The following ADGRD1 variants were observed in gnomAD, a reference collection of about 807,000 sequenced individuals.
The protein encoded by ADGRD1 is G-protein coupled receptor 133.
Under a neutral mutation model 113.4 loss-of-function variants are expected in ADGRD1, and 77 were observed. The ratio of observed to expected loss-of-function variants is 0.68; its 90% CI spans 0.57 to 0.82. The LOEUF is 0.82. ADGRD1 is among the 40% of genes least tolerant of loss of function. The pLI, the probability that ADGRD1 is intolerant of heterozygous loss-of-function variation, is 0.00. For missense variants in ADGRD1, 1,036 were observed against 1,139.1 expected (o/e 0.91, Z 1.30); for synonymous variants, 474 against 475.0 (o/e 1.00, Z 0.03).
At chr12:131,087,759 C>T (rs1298246463) in intron 15 of ADGRD1, among the ~76,000 whole-genome samples, 1 of 152,206 alleles carries the variant, frequency 6.6e-6, no homozygotes, top group East Asian at 1.9e-4. Flanking sequence ...GGCCCCTCTT[C>T]TCCTGGCCTG....
At chr12:131,138,977 C>T (rs1024205776) in intron 24 of ADGRD1, among the ~76,000 whole-genome samples, 191 bp from the exon 25 acceptor site, 7 of 152,298 alleles carry the variant, frequency 4.6e-5, no homozygotes, top group African/African-American at 7.2e-5. Flanking sequence ...GAGAACCGTG[C>T]GGCTGGAGAC....
At position 130,971,333 on chromosome 12, in the gene ADGRD1, AAT is replaced by A; in HGVS notation, c.188-119_188-118del. 2 of 490,852 alleles carry A rather than the reference AAT, an allele frequency of 4.1e-6. No individual in the cohort carries two copies. The highest frequency in any genetic ancestry group is 7.1e-6 in the Non-Finnish European group (2 of 283,156). The allele number at this position is 490,852 out of a possible 1,614,324, so 30.4% of individuals were successfully genotyped here. On this transcript the variant is annotated intron_variant, in intron 3 of 24. Coordinates refer to ENST00000261654, the MANE Select transcript of ADGRD1 (RefSeq NM_198827.5). The surrounding 1 kb of genome is among the most constrained non-coding windows in gnomAD (Gnocchi z 4.2). ...TCATAGAATAATATATGATGTTATAAATATATACTTAGATAAATAATAATGCA... is the reference window on the plus strand; with the variant it reads ...TCATAGAATAATATATGATGTTATAAATATACTTAGATAAATAATAATGCA...
intron 18 of ADGRD1, among the ~76,000 whole-genome samples, chr12:131,111,536 G>T (rs544201558): frequency 3.9e-5 from 6 of 151,990 alleles, no homozygotes; most frequent in African/African-American, 7.2e-5. Context: ...ATTATGAGTA[G>T]GTTGGTGTGC....
At chr12:131,066,262 G>A (rs570086067) in intron 13 of ADGRD1, among the ~76,000 whole-genome samples, 25 of 152,310 alleles carry the variant, frequency 1.6e-4, no homozygotes, top group African/African-American at 5.8e-4. Context: ...GGGGAGGGCG[G>A]AGGATGTGAT....
intron 15 of ADGRD1, among the ~76,000 whole-genome samples, chr12:131,100,521 G>A (rs553714897): frequency 9.2e-5 from 14 of 152,120 alleles, no homozygotes; most frequent in Admixed American, 1.3e-4. Context: ...TTGTTTGAAC[G>A]TAAGGTTGGT....
chr12:131,135,705 G>A (rs1046345479), intron 21 of ADGRD1, among the ~76,000 whole-genome samples: 3 of 141,262 alleles, frequency 2.1e-5, no homozygotes, highest in East Asian at 2.1e-4. Context: ...TCTCCCCTCC[G>A]TCCTGGTTCC....
intron 13 of ADGRD1, among the ~76,000 whole-genome samples, chr12:131,056,440 G>T (rs752182497): frequency 6.6e-6 from 1 of 152,154 alleles, no homozygotes; most frequent in Non-Finnish European, 1.5e-5. Flanking sequence ...GTCAAAATTC[G>T]GGGACAAGAG....
intron 20 of ADGRD1, among the ~76,000 whole-genome samples, chr12:131,127,215 T>A (rs946386298): frequency 1.3e-5 from 2 of 152,238 alleles, no homozygotes; most frequent in Non-Finnish European, 2.9e-5. Context: ...ATGAAACACT[T>A]AGAGTGCATC....
chr12:131,082,792 G>A (rs1402353759), intron 14 of ADGRD1, among the ~76,000 whole-genome samples: 1 of 152,068 alleles, frequency 6.6e-6, no homozygotes, highest in Non-Finnish European at 1.5e-5. Flanking sequence ...CCTCTCAGTT[G>A]GTACGTCTGA....
At chr12:131,013,522 T>C (rs1878185579) in intron 12 of ADGRD1, among the ~76,000 whole-genome samples, 1 of 152,148 alleles carries the variant, frequency 6.6e-6, no homozygotes, top group Non-Finnish European at 1.5e-5. Flanking sequence ...GGATTGGGTG[T>C]CATTCCTAAA....
chr12:131,111,995 G>A (rs1295507560), intron 18 of ADGRD1, among the ~76,000 whole-genome samples: 1 of 151,940 alleles, frequency 6.6e-6, no homozygotes, highest in Non-Finnish European at 1.5e-5. Context: ...ACACTTTCTG[G>A]TTTCTTTGTA....
At chr12:131,015,769 G>A (rs1878502004) in intron 13 of ADGRD1, among the ~76,000 whole-genome samples, 1 of 152,154 alleles carries the variant, frequency 6.6e-6, no homozygotes, top group Admixed American at 6.5e-5. Flanking sequence ...GCCCCTCCCG[G>A]TGTCCCTCTC....
At chr12:131,015,863 C>T (rs1214578661) in intron 13 of ADGRD1, among the ~76,000 whole-genome samples, 1 of 152,218 alleles carries the variant, frequency 6.6e-6, no homozygotes, top group Non-Finnish European at 1.5e-5. Context: ...GACTTATTGT[C>T]AAACACACAG....
At chr12:131,015,230 C>G (rs1878414310) in intron 13 of ADGRD1, among the ~76,000 whole-genome samples, 1 of 152,258 alleles carries the variant, frequency 6.6e-6, no homozygotes, top group African/African-American at 2.4e-5. Context: ...GGGAGGGGCC[C>G]ACACACTTGT....
At position 130,954,691 on chromosome 12, in the gene ADGRD1, C is replaced by T. The variant is rs1301891178; in HGVS notation, c.103+31C>T. ...AGTGTTTCCTTCTCACTCTGAGCAC[C>T]GCTCTCCCCCTGCCTAGTGCAGGTA... On this transcript the variant is annotated intron_variant, in intron 2 of 24. Transcript: ENST00000261654. The surrounding 1 kb of genome is among the most constrained non-coding windows in gnomAD (Gnocchi z 4.7). 3.7e-6 allele frequency: 6 copies of T among 1,601,834 alleles called. No homozygotes were observed. The highest frequency in any genetic ancestry group is 3.3e-5 in the South Asian group (3 of 90,828).
intron 3 of ADGRD1, chr12:130,969,597 T>C (rs1871384296): frequency 6.5e-6 from 1 of 153,874 alleles, no homozygotes; most frequent in Non-Finnish European, 1.4e-5. Context: ...TGCAGGAAAA[T>C]AAGCTCAGGG....
intron 15 of ADGRD1, 149 bp from the exon 16 acceptor site, chr12:131,104,682 G>C: frequency 1.8e-6 from 1 of 564,408 alleles, no homozygotes; most frequent in South Asian, 2.3e-5. Context: ...GTCGGTGGCA[G>C]CAACAGACAT....
rs555703693 is a variant in ADGRD1, at chr12:131,114,316, A to G, written c.2042-4069A>G. On this transcript the variant is annotated intron_variant, in intron 18 of 24. Transcript: ENST00000261654. ...AAAAATGAGGAGATCCGACGCCCTG[A>G]GTTTATATTCCTCCTTGACAACAGT... Among the ~76,000 whole-genome samples, 26 of 152,312 alleles carry G rather than the reference A, an allele frequency of 1.7e-4. No homozygotes were observed. The South Asian group carries it at 5.2e-3, about 30-fold the overall frequency.
intron 13 of ADGRD1, among the ~76,000 whole-genome samples, chr12:131,046,282 ATGCTCCCTCCCTGGTCAG>A (rs1882743638): frequency 3.6e-3 from 31 of 8,576 alleles, no homozygotes; most frequent in Non-Finnish European, 6.2e-3. Flanking sequence ...TCCCTGGTCA[ATGCTCCCTCCCTGGTCAG>A]TGCTCCCTCC....
Sources: gnomAD v4.1 joint callset for allele counts (sites outside exome capture counted in the v4.1 genomes callset) on GRCh38, gnomAD v4.1.1 for gene constraint, Gnocchi (gnomAD v3.1) non-coding constraint, MANE v1.5 for transcripts, NCBI Gene and HGNC (gene_info 2026-07-23, HGNC 2026-07-21) for gene names.